Variants in DLG2 observed in about 807,000 individuals in gnomAD.
The protein encoded by DLG2 is disks large homolog 2.
A neutral mutation model predicts 132.5 loss-of-function variants in DLG2; 45 were observed. The ratio of observed to expected loss-of-function variants is 0.34; its 90% CI spans 0.27 to 0.44. The LOEUF is 0.44. DLG2 is among the 20% of genes least tolerant of loss of function. The pLI is 1.00. For missense variants in DLG2, 1,045 were observed against 1,196.9 expected, an observed-to-expected ratio of 0.87 and a Z score of 1.87; for synonymous variants, 424 against 419.6, an observed-to-expected ratio of 1.01 and a Z score of -0.13.
At chr11:83,782,117 A>C (rs1378074187) in intron 18 of DLG2, among the ~76,000 whole-genome samples, 1 of 152,180 alleles carries the variant, frequency 6.6e-6, no homozygotes. Flanking sequence ...TTATGACTGA[A>C]AACCAAAAGG....
At chr11:85,158,113 C>T (rs1334868371) in intron 4 of DLG2, among the ~76,000 whole-genome samples, 1 of 151,862 alleles carries the variant, frequency 6.6e-6, no homozygotes, top group South Asian at 2.1e-4. Context: ...CAGAGTGTGA[C>T]CTATAAGGAG....
rs183218373 is a variant in DLG2, at chr11:84,507,663, G to C, written c.519+26907C>G. On this transcript the variant is annotated intron_variant, in intron 7 of 27. Coordinates refer to ENST00000376104, the MANE Select transcript of DLG2 (RefSeq NM_001142699.3). ...ATATTCCTTTGATGCCTAGTCCGTT[G>C]AGAGTTTTTCATCACGAAGGGATGC... 3.3e-3 allele frequency among the ~76,000 whole-genome samples: 497 copies of C among 152,290 alleles called. 1 individual carries two copies. Among genetic ancestry groups the C allele is most frequent in the Middle Eastern group, 6.8e-3 (2 of 294 alleles).
intron 7 of DLG2, among the ~76,000 whole-genome samples, chr11:84,346,972 C>A (rs970513289): frequency 7.9e-5 from 12 of 152,022 alleles, no homozygotes; most frequent in African/African-American, 7.2e-5. Flanking sequence ...CTAGGATAGT[C>A]GTTTCACTAA....
intron 6 of DLG2, among the ~76,000 whole-genome samples, chr11:85,097,912 G>A (rs1419498894): frequency 6.6e-6 from 1 of 152,112 alleles, no homozygotes; most frequent in African/African-American, 2.4e-5. Context: ...CCCTCTTTAG[G>A]GGTAGAGTAG....
At chr11:85,079,484 A>ATTTT (rs35913627) in intron 6 of DLG2, among the ~76,000 whole-genome samples, 1 of 137,668 alleles carries the variant, frequency 7.3e-6, no homozygotes, top group African/African-American at 2.7e-5. Context: ...GAGGCTTAGA[A>ATTTT]TTTTTTTTTT....
rs144329398 is a variant in DLG2 at position 84,117,885 on chromosome 11, C to T, written c.625-18838G>A. On this transcript the variant is annotated intron_variant, in intron 9 of 27. Transcript: ENST00000376104. ...TTTATTTATTTTTGAGACAGAGTCT[C>T]GCTCTTGTTGCCCAGGCTGGAGTGC... is the stretch of plus-strand genomic sequence containing the variant. Among the ~76,000 whole-genome samples, 74 of 152,104 alleles carry T rather than the reference C, an allele frequency of 4.9e-4. 1 individual carries two copies. The highest frequency in any genetic ancestry group is 1.5e-3 in the African/African-American group (61 of 41,484).
chr11:83,831,299 T>C (rs994875830), intron 17 of DLG2, among the ~76,000 whole-genome samples: 3 of 152,240 alleles, frequency 2.0e-5, no homozygotes, highest in African/African-American at 7.2e-5. Flanking sequence ...GGAATGATGC[T>C]CAGCTCTTGG....
At chr11:85,513,191 G>A (rs184638455) in intron 3 of DLG2, among the ~76,000 whole-genome samples, 132 of 152,038 alleles carry the variant, frequency 8.7e-4, no homozygotes, top group African/African-American at 3.0e-3. Flanking sequence ...GAGGATTCTA[G>A]AAGGGGAAAG....
At chr11:83,735,140 G>T (rs72954538) in intron 18 of DLG2, among the ~76,000 whole-genome samples, 23,004 of 152,056 alleles carry the variant, frequency 0.15, 2,238 homozygotes, top group Non-Finnish European at 0.21. Flanking sequence ...ATTAGAGAGG[G>T]TTAGGATGGA....
chr11:85,512,099 G>A (rs867884925), intron 3 of DLG2, among the ~76,000 whole-genome samples: 1 of 152,074 alleles, frequency 6.6e-6, no homozygotes, highest in Non-Finnish European at 1.5e-5. Flanking sequence ...CATTGAGGGA[G>A]TGGCTCTTTT....
intron 17 of DLG2, among the ~76,000 whole-genome samples, chr11:83,799,994 T>C (rs185422538): frequency 1.3e-5 from 2 of 152,292 alleles, no homozygotes; most frequent in East Asian, 3.9e-4. Flanking sequence ...AGTTAATACA[T>C]GTAAAGCATT....
intron 3 of DLG2, among the ~76,000 whole-genome samples, chr11:85,432,360 G>A (rs2091241935): frequency 6.6e-6 from 1 of 151,974 alleles, no homozygotes; most frequent in Non-Finnish European, 1.5e-5. Flanking sequence ...TCAGAATCTG[G>A]GTAATAACAA....
At chr11:84,752,180 G>A (rs910392437) in intron 6 of DLG2, among the ~76,000 whole-genome samples, 3 of 152,176 alleles carry the variant, frequency 2.0e-5, no homozygotes. Context: ...TGGCTTTCTA[G>A]CCTTGGATCA....
chr11:84,597,434 CA>C (rs1478611883), intron 6 of DLG2, among the ~76,000 whole-genome samples: 1 of 152,082 alleles, frequency 6.6e-6, no homozygotes, highest in Non-Finnish European at 1.5e-5. Flanking sequence ...TCTGTTTCTA[CA>C]AATGCTAGAA....
At chr11:85,324,569 T>A (rs950253559) in intron 3 of DLG2, among the ~76,000 whole-genome samples, 1 of 152,202 alleles carries the variant, frequency 6.6e-6, no homozygotes, top group African/African-American at 2.4e-5. Context: ...AAGTAAAAGC[T>A]GAAATCTAGA....
intron 6 of DLG2, among the ~76,000 whole-genome samples, chr11:85,097,248 C>T (rs1370093242): frequency 6.6e-6 from 1 of 152,076 alleles, no homozygotes; most frequent in Non-Finnish European, 1.5e-5. Flanking sequence ...ACTCTATTCC[C>T]TTCTTTAGGC....
chr11:85,105,536 T>C (rs1382588800), intron 6 of DLG2, among the ~76,000 whole-genome samples: 1 of 151,964 alleles, frequency 6.6e-6, no homozygotes, highest in African/African-American at 2.4e-5. Flanking sequence ...TTTTCTGAGA[T>C]AATTTCCCCT....
chr11:84,704,668 A>G (rs532028056), intron 6 of DLG2, among the ~76,000 whole-genome samples: 7 of 151,638 alleles, frequency 4.6e-5, no homozygotes, highest in African/African-American at 1.7e-4. Context: ...TAAAAATATG[A>G]AAATATGAAT....
At chr11:83,972,027 A>T (rs945137052) in intron 12 of DLG2, among the ~76,000 whole-genome samples, 11 of 152,186 alleles carry the variant, frequency 7.2e-5, no homozygotes, top group African/African-American at 2.7e-4. Context: ...ACAGAAGCTA[A>T]GTACAGTGGT....
Sources: gnomAD v4.1 joint callset for allele counts (sites outside exome capture counted in the v4.1 genomes callset) on GRCh38, gnomAD v4.1.1 for gene constraint, MANE v1.5 for transcripts, NCBI Gene and HGNC (gene_info 2026-07-23, HGNC 2026-07-21) for gene names.